Variants in NDUFAF7 observed in about 807,000 individuals in gnomAD.
NDUFAF7 encodes NADH:ubiquinone oxidoreductase complex assembly factor 7.
In NDUFAF7, 48 loss-of-function variants were observed where a neutral mutation model predicts 47.2. The ratio of observed to expected loss-of-function variants is 1.02; its 90% CI spans 0.81 to 1.29. The LOEUF is 1.29. NDUFAF7 is among the 50% of genes most tolerant of loss of function. The pLI, the probability that NDUFAF7 is intolerant of heterozygous loss-of-function variation, is 0.00. For missense variants in NDUFAF7, 635 were observed against 537.6 expected, an observed-to-expected ratio of 1.18 and a Z score of -1.79; for synonymous variants, 217 against 190.0, an observed-to-expected ratio of 1.14 and a Z score of -1.17.
chr2:37,271,147 C>T, the NDUFAF7 span, among the ~76,000 whole-genome samples: 355 of 152,196 alleles, frequency 2.3e-3, 1 homozygote, highest in African/African-American at 7.8e-3. Context: ...CAGCTAAGTG[C>T]CCCAAGTAGA....
intron 2 of NDUFAF7, 82 bp from the exon 3 acceptor site, chr2:37,236,014 A>G: frequency 2.6e-6 from 3 of 1,148,330 alleles, no homozygotes; most frequent in Non-Finnish European, 4.0e-6. Context: ...TCACTTTTAC[A>G]TTATTTAAGA....
At chr2:37,248,092 CCTGT>C (rs775254919) in intron 9 of NDUFAF7, 39 bp from the exon 10 acceptor site, 1 of 1,470,032 alleles carries the variant, frequency 6.8e-7, no homozygotes, top group South Asian at 1.2e-5. Context: ...AACTAGGAAT[CCTGT>C]CTTCTGGTTA....
intron 2 of NDUFAF7, among the ~76,000 whole-genome samples, chr2:37,235,175 G>A (rs961934633): frequency 2.0e-5 from 3 of 151,788 alleles, no homozygotes; most frequent in Admixed American, 6.6e-5. Flanking sequence ...CGGAGGTTGA[G>A]TATAAGACTG....
chr2:37,232,455 C>T (rs1218961291), intron 2 of NDUFAF7, among the ~76,000 whole-genome samples, 189 bp downstream of exon 2: 1 of 152,098 alleles, frequency 6.6e-6, no homozygotes, highest in African/African-American at 2.4e-5. Flanking sequence ...GAGGCAGTGC[C>T]AGTAAAGAGG....
At chr2:37,269,676 A>G in the NDUFAF7 span, 11 of 1,609,740 alleles carry the variant, frequency 6.8e-6, no homozygotes, top group South Asian at 5.5e-5. Context: ...TCTGGTAAAC[A>G]GTACTGATAT....
chr2:37,250,292 C>G (rs2148456274), downstream of NDUFAF7, among the ~76,000 whole-genome samples: 1 of 152,140 alleles, frequency 6.6e-6, no homozygotes, highest in African/African-American at 2.4e-5. Flanking sequence ...AGTTAAACGT[C>G]CATAGTTGGC....
At chr2:37,243,749 G>C (rs1666610468) in intron 6 of NDUFAF7, 114 bp from the exon 7 acceptor site, 1 of 759,232 alleles carries the variant, frequency 1.3e-6, no homozygotes, top group Non-Finnish European at 2.3e-6. Flanking sequence ...TAAATAGTAA[G>C]TTCTCTGTAA....
chr2:37,257,982 A>G (rs1478507953), downstream of NDUFAF7, among the ~76,000 whole-genome samples: 1 of 152,172 alleles, frequency 6.6e-6, no homozygotes, highest in Non-Finnish European at 1.5e-5. Context: ...GAAGTTGATG[A>G]GCTTGGCAGA....
chr2:37,251,309 C>T (rs1054983264), downstream of NDUFAF7: 9 of 152,420 alleles, frequency 5.9e-5, no homozygotes, highest in African/African-American at 1.7e-4. Context: ...GATAGTACAG[C>T]ATAATGGTTG....
intron 2 of NDUFAF7, among the ~76,000 whole-genome samples, chr2:37,234,535 A>G (rs1665544969): frequency 6.6e-6 from 1 of 152,130 alleles, no homozygotes; most frequent in South Asian, 2.1e-4. Flanking sequence ...TCACTGGGCT[A>G]CCACAGTGGT....
At chr2:37,261,338 CT>C in the NDUFAF7 span, among the ~76,000 whole-genome samples, 1 of 151,882 alleles carries the variant, frequency 6.6e-6, no homozygotes, top group Non-Finnish European at 1.5e-5. Flanking sequence ...AATACAAAAA[CT>C]AACCAGGTGT....
At position 37,248,630 on chromosome 2, in the gene NDUFAF7, T is replaced by C. The variant is rs1265996430; in HGVS notation, c.*280T>C. The C allele has an allele frequency of 7.5e-6, 3 of 399,038 alleles. No homozygotes were observed. Among genetic ancestry groups the C allele is most frequent in the Non-Finnish European group, 1.4e-5 (3 of 211,640 alleles). 24.7% of individuals were successfully genotyped at this position (399,038 alleles called of 1,614,324 possible). A position where few individuals can be genotyped will look rare whatever the true frequency, so the allele number is the denominator to read the frequency against. Reference sequence around the variant, plus strand: ...TCTATTTTATTTTAAAAAGTAAACATGCGGCTGGGCGTGGTGGCTCATGCC... The same window carrying C: ...TCTATTTTATTTTAAAAAGTAAACACGCGGCTGGGCGTGGTGGCTCATGCC... On this transcript the variant is annotated 3_prime_UTR_variant, in exon 10 of 10. Coordinates refer to ENST00000002125, the MANE Select transcript of NDUFAF7 (RefSeq NM_144736.5).
Position 37,247,609 on chromosome 2 carries a change from G to A in NDUFAF7, c.1090G>A (p.Gly364Ser), listed in dbSNP as rs1667068170. The change falls in exon 9 of 10, where the codon GGT (glycine) becomes AGT (serine). Residue 364 changes from glycine (G) to serine (S), a missense_variant. Transcript: ENST00000002125. ...ACAACACACATTTTTAAAAAATATG[G>A]GTATTGATGTCCGGCTGAAGGTAAG... ...IKQHTFLKNM[G>S]IDVRLKVLLD... 6.2e-7 allele frequency: 1 copy of A among 1,613,742 alleles called. No homozygotes were observed. The highest frequency in any genetic ancestry group is 8.5e-7 in the Non-Finnish European group (1 of 1,179,904).
the NDUFAF7 span, among the ~76,000 whole-genome samples, chr2:37,260,558 A>C: frequency 6.6e-6 from 1 of 152,242 alleles, no homozygotes; most frequent in Non-Finnish European, 1.5e-5. Flanking sequence ...TAATTCTCCA[A>C]GTTGTGTACT....
downstream of NDUFAF7, among the ~76,000 whole-genome samples, chr2:37,258,384 T>TTTCAGC (rs1668145623): frequency 6.6e-6 from 1 of 152,208 alleles, no homozygotes; most frequent in African/African-American, 2.4e-5. Context: ...AAATGCCAGA[T>TTTCAGC]TTCAGCTAAC....
downstream of NDUFAF7, chr2:37,253,087 A>G (rs1667643650): frequency 7.8e-7 from 1 of 1,282,426 alleles, no homozygotes; most frequent in East Asian, 2.4e-5. Context: ...TCTTTGCAGC[A>G]CTGCAGATGA....
At chr2:37,249,556 T>TACAC (rs1553361154), downstream of NDUFAF7, among the ~76,000 whole-genome samples, 1 of 46,042 alleles carries the variant, frequency 2.2e-5, no homozygotes, top group Non-Finnish European at 4.0e-5. Context: ...TAGCCTGTGA[T>TACAC]AGACACACAC....
At chr2:37,233,935 T>C (rs1665475900) in intron 2 of NDUFAF7, among the ~76,000 whole-genome samples, 1 of 152,212 alleles carries the variant, frequency 6.6e-6, no homozygotes, top group Non-Finnish European at 1.5e-5. Flanking sequence ...CAGCAACTAG[T>C]AGCATCAGCA....
At chr2:37,232,828 A>AC (rs1173801580) in intron 2 of NDUFAF7, among the ~76,000 whole-genome samples, 1 of 152,128 alleles carries the variant, frequency 6.6e-6, no homozygotes, top group Non-Finnish European at 1.5e-5. Flanking sequence ...CAGCTTTCTG[A>AC]CCCACGTTTC....
Sources: gnomAD v4.1 joint callset for allele counts (sites outside exome capture counted in the v4.1 genomes callset) on GRCh38, gnomAD v4.1.1 for gene constraint, MANE v1.5 for transcripts, NCBI Gene and HGNC (gene_info 2026-07-23, HGNC 2026-07-21) for gene names.